ASAP1: variants seen among roughly 807,000 people sequenced by gnomAD.
The protein encoded by ASAP1 is arf-GAP with SH3 domain, ANK repeat and PH domain-containing protein 1.
ASAP1 carries 43 observed loss-of-function variants against 145.2 expected under a neutral mutation model. The observed-to-expected ratio is 0.30, with a 90% CI of 0.23 to 0.38. The LOEUF is 0.38. Among genes scored for constraint, ASAP1 ranks in the 10% least tolerant of loss-of-function variants. The probability of loss-of-function intolerance (pLI) is 1.00; values close to 1 mark genes in which losing one functional copy is unlikely to be tolerated. For synonymous variants in ASAP1, 546 were observed against 515.5 expected (o/e 1.06, Z -0.80); for missense variants, 1,018 against 1,355.3 (o/e 0.75, Z 3.91).
At chr8:130,359,464 G>C (rs1254887119) in intron 2 of ASAP1, among the ~76,000 whole-genome samples, 1 of 152,134 alleles carries the variant, frequency 6.6e-6, no homozygotes, top group African/African-American at 2.4e-5. Flanking sequence ...AAAAAAGCTA[G>C]GCCTTTGGGA....
At chr8:130,312,193 C>T (rs1823398144) in intron 3 of ASAP1, among the ~76,000 whole-genome samples, 1 of 151,680 alleles carries the variant, frequency 6.6e-6, no homozygotes, top group African/African-American at 2.4e-5. Flanking sequence ...GGGAGAATCA[C>T]TTGAGCCTGG....
intron 5 of ASAP1, among the ~76,000 whole-genome samples, chr8:130,199,269 G>A (rs1815710085): frequency 6.6e-6 from 1 of 152,340 alleles, no homozygotes; most frequent in South Asian, 2.1e-4. Flanking sequence ...AGAGCAAAGT[G>A]TTGACTTGTT....
At chr8:130,194,464 G>A (rs1363857176) in intron 5 of ASAP1, among the ~76,000 whole-genome samples, 1 of 152,028 alleles carries the variant, frequency 6.6e-6, no homozygotes, top group Non-Finnish European at 1.5e-5. Flanking sequence ...ATTGTGCCAC[G>A]AAGATGGAGT....
At chr8:130,240,057 C>T (rs1289446042) in intron 3 of ASAP1, among the ~76,000 whole-genome samples, 2 of 152,084 alleles carry the variant, frequency 1.3e-5, no homozygotes, top group Admixed American at 6.6e-5. Context: ...ACAGAAATTA[C>T]TAAGTGGACT....
intron 15 of ASAP1, 41 bp from the exon 16 acceptor site, chr8:130,128,131 G>A (rs754857501): frequency 6.0e-6 from 3 of 499,438 alleles, no homozygotes; most frequent in East Asian, 1.2e-4. Flanking sequence ...CTTTATAAGA[G>A]CATGGTCATT....
At chr8:130,411,032 C>T (rs910036794) in intron 1 of ASAP1, among the ~76,000 whole-genome samples, 1 of 152,112 alleles carries the variant, frequency 6.6e-6, no homozygotes, top group Non-Finnish European at 1.5e-5. Context: ...AGCTAATTTT[C>T]GTATTTTGAG....
chr8:130,094,896 A>C (rs538635274), intron 24 of ASAP1, among the ~76,000 whole-genome samples: 1 of 152,314 alleles, frequency 6.6e-6, no homozygotes, highest in African/African-American at 2.4e-5. Flanking sequence ...GGACTTTCTG[A>C]TGCAGATGCA....
At chr8:130,177,355 T>C (rs570837855) in intron 9 of ASAP1, among the ~76,000 whole-genome samples, 7 of 152,342 alleles carry the variant, frequency 4.6e-5, no homozygotes, top group Non-Finnish European at 8.8e-5. Context: ...AACGTGAAAA[T>C]AGATTTCTAA....
Position 130,118,648 on chromosome 8 carries a change from T to G in ASAP1, c.1635A>C (p.Ala545=), listed in dbSNP as rs1228858958. The G allele has an allele frequency of 1.2e-6, 2 of 1,612,912 alleles. No individual in the cohort carries two copies. The highest frequency in any genetic ancestry group is 4.5e-5 in the East Asian group (2 of 44,862). ...TTGAAAACCTATGATCTACATACTT[T>G]GCAGTGATATATTCTTTTCGTACAG... The part of the protein sequence containing the change: ...DMTVRKEYIT[A]KYVDHRFSRK... Residue 545 remains alanine, a synonymous_variant, in exon 19 of 30, where the codon GCA becomes GCC. Transcript: ENST00000518721.
intron 3 of ASAP1, among the ~76,000 whole-genome samples, chr8:130,341,844 GGT>G (rs1051338341): frequency 1.3e-5 from 2 of 152,156 alleles, no homozygotes; most frequent in African/African-American, 4.8e-5. Context: ...ACAAATAAGA[GGT>G]AAAAGAGCAG....
intron 29 of ASAP1, among the ~76,000 whole-genome samples, chr8:130,056,245 G>GA (rs1202473389): frequency 3.3e-5 from 5 of 152,232 alleles, no homozygotes; most frequent in Non-Finnish European, 2.9e-5. Context: ...ACTGATTCAC[G>GA]TGGGGGGGCT....
intron 2 of ASAP1, among the ~76,000 whole-genome samples, chr8:130,383,662 T>C (rs1827884081): frequency 6.6e-6 from 1 of 152,130 alleles, no homozygotes; most frequent in Non-Finnish European, 1.5e-5. Flanking sequence ...AGATGTTAGA[T>C]GGGGGATAAT....
chr8:130,429,091 C>G (rs1025748860), intron 1 of ASAP1, among the ~76,000 whole-genome samples: 1 of 152,190 alleles, frequency 6.6e-6, no homozygotes, highest in African/African-American at 2.4e-5. Flanking sequence ...GCCTTGACAT[C>G]GTCTTCCCTC....
chr8:130,289,182 T>C (rs1821800789), intron 3 of ASAP1, among the ~76,000 whole-genome samples: 2 of 151,682 alleles, frequency 1.3e-5, no homozygotes, highest in South Asian at 4.2e-4. Context: ...CAAGACTCCA[T>C]CTCAAAACAA....
chr8:130,052,266 A>T lies in ASAP1; in HGVS notation c.*2465T>A, dbSNP rs1327401503. On this transcript the variant is annotated 3_prime_UTR_variant, in exon 30 of 30. Coordinates refer to ENST00000518721, the MANE Select transcript of ASAP1 (RefSeq NM_018482.4). Reference sequence around the variant, plus strand: ...CATCCAGATGAGAATTCGGCATTTAACTAGTGGCACTACAGGATTCCTATA... The same window carrying T: ...CATCCAGATGAGAATTCGGCATTTATCTAGTGGCACTACAGGATTCCTATA... 6.5e-6 allele frequency: 1 copy of T among 152,698 alleles called. No individual in the cohort carries two copies. Among genetic ancestry groups the T allele is most frequent in the African/African-American group, 2.4e-5 (1 of 41,476 alleles). The allele number at this position is 152,698 out of a possible 1,614,324, so 9.5% of individuals were successfully genotyped here.
chr8:130,142,673 A>G (rs925535408), intron 13 of ASAP1, among the ~76,000 whole-genome samples: 2 of 152,150 alleles, frequency 1.3e-5, no homozygotes, highest in African/African-American at 4.8e-5. Context: ...GACTTGGAGG[A>G]GGGAATATGG....
chr8:130,102,543 T>A (rs1198317475), intron 24 of ASAP1, among the ~76,000 whole-genome samples: 2 of 152,236 alleles, frequency 1.3e-5, no homozygotes, highest in Non-Finnish European at 2.9e-5. Flanking sequence ...ACAAGAATAT[T>A]GGCTGGTAGT....
At chr8:130,265,679 A>C (rs1180200882) in intron 3 of ASAP1, among the ~76,000 whole-genome samples, 5 of 152,076 alleles carry the variant, frequency 3.3e-5, no homozygotes, top group Non-Finnish European at 5.9e-5. Flanking sequence ...GTTCAAGACC[A>C]GCGACCAGCT....
intron 13 of ASAP1, among the ~76,000 whole-genome samples, chr8:130,138,629 G>C (rs1451583558): frequency 2.6e-5 from 4 of 152,080 alleles, no homozygotes; most frequent in Non-Finnish European, 5.9e-5. Flanking sequence ...CTGAGGTCGG[G>C]AGTTCCAGAC....
Sources: gnomAD v4.1 joint callset for allele counts (sites outside exome capture counted in the v4.1 genomes callset) on GRCh38, gnomAD v4.1.1 for gene constraint, MANE v1.5 for transcripts, NCBI Gene and HGNC (gene_info 2026-07-23, HGNC 2026-07-21) for gene names.